Variants in TAB1 observed in about 807,000 individuals in gnomAD.
The protein encoded by TAB1 is TGF-beta-activated kinase 1 and MAP3K7-binding protein 1.
TAB1 carries 30 observed loss-of-function variants against 54.5 expected under a neutral mutation model. The ratio of observed to expected loss-of-function variants is 0.55; its 90% CI spans 0.41 to 0.75. The LOEUF is 0.75. Ranked by LOEUF, TAB1 falls within the 30% of genes least tolerant of loss-of-function variation. The pLI, the probability that TAB1 is intolerant of heterozygous loss-of-function variation, is 0.00. For missense variants in TAB1, 609 were observed against 683.2 expected, an observed-to-expected ratio of 0.89 and a Z score of 1.21; for synonymous variants, 289 against 286.9, an observed-to-expected ratio of 1.01 and a Z score of -0.07.
rs1926801427 is a variant in TAB1, at chr22:39,415,679, C to A, written c.324+26C>A. ...GTAATGGTGCCGGGGCCAACAGTGA[C>A]CCAGCCACATCATGTCCCCCACCCC... is the stretch of plus-strand genomic sequence containing the variant. On this transcript the variant is annotated intron_variant, in intron 3 of 10. Transcript: ENST00000216160. The surrounding 1 kb of genome is among the most constrained non-coding windows in gnomAD (Gnocchi z 4.9). 1.3e-6 allele frequency: 2 copies of A among 1,595,874 alleles called. No individual in the cohort carries two copies. Among genetic ancestry groups the A allele is most frequent in the Admixed American group, 1.7e-5 (1 of 59,812 alleles).
chr22:39,435,449 G>A (rs1308422828), downstream of TAB1, among the ~76,000 whole-genome samples: 1 of 152,062 alleles, frequency 6.6e-6, no homozygotes, highest in Admixed American at 6.6e-5. Context: ...CACTCCCGCG[G>A]CCCTCACCCA....
intron 1 of TAB1, among the ~76,000 whole-genome samples, chr22:39,413,292 G>C (rs1356654304): frequency 1.3e-5 from 2 of 152,096 alleles, no homozygotes; most frequent in East Asian, 3.9e-4. Flanking sequence ...CCAAATATAA[G>C]ATTATATCGT....
chr22:39,403,225 C>A (rs1926221562), intron 1 of TAB1, among the ~76,000 whole-genome samples: 1 of 152,268 alleles, frequency 6.6e-6, no homozygotes, highest in Admixed American at 6.5e-5. Flanking sequence ...CGAACAGATA[C>A]AGATCATCTG....
At position 39,430,764 on chromosome 22, in the gene TAB1, T is replaced by C. The variant is rs1165757924; in HGVS notation, c.*542T>C. The stretch of plus-strand genomic sequence containing the variant: ...GCCCCACCCCTGGACCTGCCTTGGT[T>C]GTGTCATCTGTTGTAAACGTTCAGG... On this transcript the variant is annotated 3_prime_UTR_variant, in exon 11 of 11. Coordinates refer to ENST00000216160, the MANE Select transcript of TAB1 (RefSeq NM_006116.3). 1 of 1,008,178 alleles carries C rather than the reference T, an allele frequency of 9.9e-7. No individual in the cohort carries two copies. The highest frequency in any genetic ancestry group is 1.2e-6 in the Non-Finnish European group (1 of 841,664). The allele number at this position is 1,008,178 out of a possible 1,614,324, so 62.5% of individuals were successfully genotyped here. A position where few individuals can be genotyped will look rare whatever the true frequency, so the allele number is the denominator to read the frequency against.
downstream of TAB1, among the ~76,000 whole-genome samples, chr22:39,432,221 A>G (rs1420624296): frequency 6.6e-6 from 1 of 152,162 alleles, no homozygotes; most frequent in East Asian, 1.9e-4. Context: ...GAGTGAGCCT[A>G]GGGTCTTGGT....
At chr22:39,429,886 T>C in intron 10 of TAB1, 129 bp from the exon 11 acceptor site, 7 of 1,519,260 alleles carry the variant, frequency 4.6e-6, no homozygotes, top group Non-Finnish European at 6.2e-6. Context: ...CCAGCTCCTA[T>C]GGTCACCTCT....
At chr22:39,403,616 A>C (rs1926237837) in intron 1 of TAB1, among the ~76,000 whole-genome samples, 1 of 147,858 alleles carries the variant, frequency 6.8e-6, no homozygotes, top group African/African-American at 2.5e-5. Context: ...ATGTGATGTG[A>C]CTTTTGATTG....
chr22:39,436,758 A>C, downstream of TAB1: 2 of 597,338 alleles, frequency 3.3e-6, no homozygotes, highest in Admixed American at 5.9e-5. Context: ...AGAATGGCCC[A>C]TCCTTCAGGA....
chr22:39,410,498 CT>C (rs34664960), intron 1 of TAB1, among the ~76,000 whole-genome samples: 71,257 of 145,584 alleles, frequency 0.49, 18,273 homozygotes, highest in East Asian at 0.8. Context: ...GCCATTTCTA[CT>C]TTTTTTTTTT....
At chr22:39,418,155 A>G (rs1926921499) in intron 5 of TAB1, among the ~76,000 whole-genome samples, 1 of 152,218 alleles carries the variant, frequency 6.6e-6, no homozygotes, top group Non-Finnish European at 1.5e-5. Context: ...TTACCTGGCC[A>G]TGAATAACCA....
rs1927533426 is a variant in TAB1 at position 39,430,343 on chromosome 22, ACT to A, written c.*124_*125del. ...GTGCCCCATCCTCTGCCCACAGCAG[ACT>A]CTGTCCCATGGCTCTCCGGGCAGTA... On this transcript the variant is annotated 3_prime_UTR_variant, in exon 11 of 11. Transcript: ENST00000216160. The A allele has an allele frequency of 3.3e-6, 5 of 1,519,540 alleles. No individual in the cohort carries two copies. The highest frequency in any genetic ancestry group is 2.4e-5 in the East Asian group (1 of 42,120). The allele number at this position is 1,519,540 out of a possible 1,614,324, so 94.1% of individuals were successfully genotyped here.
chr22:39,433,643 T>C (rs2145688991), downstream of TAB1: 9 of 985,340 alleles, frequency 9.1e-6, no homozygotes, highest in Non-Finnish European at 1.1e-5. Context: ...TCTCATGAGC[T>C]GGGAGCTGGC....
Position 39,421,951 on chromosome 22 carries a change from G to A in TAB1, c.901G>A (p.Gly301Arg). 1 of 1,574,402 alleles carries A rather than the reference G, an allele frequency of 6.4e-7. No individual in the cohort carries two copies. Among genetic ancestry groups the A allele is most frequent in the Non-Finnish European group, 8.6e-7 (1 of 1,163,158 alleles). ...GLYKALEAAH[G>R]PGQANQEIAA... ...GTACAAGGCCCTAGAGGCAGCCCAT[G>A]GGCCTGGGCAGGCCAACCAGGTGAG... The change falls in exon 8 of 11, where the codon GGG becomes AGG. Residue 301 changes from glycine to arginine, a missense_variant. Gly to Arg is a moderately radical substitution (Grantham distance 125). Coordinates refer to ENST00000216160, the MANE Select transcript of TAB1 (RefSeq NM_006116.3).
chr22:39,433,653 C>T (rs35351950), downstream of TAB1: 338 of 985,440 alleles, frequency 3.4e-4, 1 homozygote, highest in African/African-American at 5.7e-3. Context: ...TGGGAGCTGG[C>T]AGCAGAGCCA....
intron 1 of TAB1, among the ~76,000 whole-genome samples, chr22:39,404,771 G>A (rs575163123): frequency 1.3e-5 from 2 of 152,266 alleles, no homozygotes; most frequent in African/African-American, 4.8e-5. Flanking sequence ...TAGCACATTG[G>A]AAGTGCCAAC....
At chr22:39,400,216 C>T (rs1461354834) in intron 1 of TAB1, among the ~76,000 whole-genome samples, 1 of 152,240 alleles carries the variant, frequency 6.6e-6, no homozygotes, top group Non-Finnish European at 1.5e-5. Flanking sequence ...ACTGCATCCC[C>T]GGCGTTGTGT....
At chr22:39,414,564 C>T (rs1705037417) in intron 1 of TAB1, among the ~76,000 whole-genome samples, 1 of 152,188 alleles carries the variant, frequency 6.6e-6, no homozygotes, top group Non-Finnish European at 1.5e-5. Flanking sequence ...CCGGGCCCTG[C>T]CCAGATCAGT....
At position 39,418,562 on chromosome 22, in the gene TAB1, G is replaced by C. The variant is rs77845165; in HGVS notation, c.551-170G>C. On this transcript the variant is annotated intron_variant, in intron 5 of 10. Coordinates refer to ENST00000216160, the MANE Select transcript of TAB1 (RefSeq NM_006116.3). ...TGAAAAAGTTAAACCCAATTCTTTC[G>C]TATCACCAGCTGTCCCTAACTGGTG... Among the ~76,000 whole-genome samples the C allele has an allele frequency of 2.8e-3, 432 of 152,208 alleles. 5 individuals are homozygous for C. The highest frequency in any genetic ancestry group is 1.0e-2 in the African/African-American group (414 of 41,528).
rs1166109141 is a variant in TAB1 at position 39,426,713 on chromosome 22, C to T, written c.932C>T (p.Ala311Val). 3.1e-6 allele frequency: 5 copies of T among 1,600,628 alleles called. No homozygotes were observed. Among genetic ancestry groups the T allele is most frequent in the African/African-American group, 1.3e-5 (1 of 74,836 alleles). The change falls in exon 9 of 11, where the codon GCG becomes GTG. Residue 311 changes from alanine to valine, a missense_variant. Ala to Val is a moderately conservative substitution (Grantham distance 64). Coordinates refer to ENST00000216160, the MANE Select transcript of TAB1 (RefSeq NM_006116.3). Reference protein sequence around the residue: ...GPGQANQEIAAMIDTEFAKQT... With the variant: ...GPGQANQEIAVMIDTEFAKQT... ...TACCCCCTCCCCCAGGAGATTGCTGCGATGATTGACACTGAGTTTGCCAAG... is the reference window on the plus strand; with the variant it reads ...TACCCCCTCCCCCAGGAGATTGCTGTGATGATTGACACTGAGTTTGCCAAG...
Sources: gnomAD v4.1 joint callset for allele counts (sites outside exome capture counted in the v4.1 genomes callset) on GRCh38, gnomAD v4.1.1 for gene constraint, Gnocchi (gnomAD v3.1) non-coding constraint, MANE v1.5 for transcripts, NCBI Gene and HGNC (gene_info 2026-07-23, HGNC 2026-07-21) for gene names.